The following INPP5D variants were observed in gnomAD, a reference collection of about 807,000 sequenced individuals.
INPP5D encodes phosphatidylinositol 3,4,5-trisphosphate 5-phosphatase 1.
A neutral mutation model predicts 122.9 loss-of-function variants in INPP5D; 33 were observed. That is an observed-to-expected ratio of 0.27 (90% CI 0.20 to 0.36). The LOEUF (loss-of-function observed/expected upper bound fraction) is 0.36. INPP5D is among the 10% of genes least tolerant of loss of function. INPP5D has a pLI of 1.00. For missense variants in INPP5D, 1,053 were observed against 1,412.7 expected, an observed-to-expected ratio of 0.75 and a Z score of 4.08; for synonymous variants, 584 against 576.2, an observed-to-expected ratio of 1.01 and a Z score of -0.19.
rs1372985247 is a variant in INPP5D at position 233,096,453 on chromosome 2, A to G, written c.198+17055A>G. 4.6e-5 allele frequency among the ~76,000 whole-genome samples: 7 copies of G among 152,146 alleles called. 1 individual carries two copies. The highest frequency in any genetic ancestry group is 1.2e-4 in the African/African-American group (5 of 41,430). ...GATCACCAGAGGTCAGAAGTTCGAGACCAGCCTGGCCAACATGGTGAAATG... is the reference window on the plus strand; with the variant it reads ...GATCACCAGAGGTCAGAAGTTCGAGGCCAGCCTGGCCAACATGGTGAAATG... On this transcript the variant is annotated intron_variant, in intron 2 of 26. Coordinates refer to ENST00000445964, the MANE Select transcript of INPP5D (RefSeq NM_001017915.3).
intron 1 of INPP5D, among the ~76,000 whole-genome samples, chr2:233,064,576 T>C (rs1691160150): frequency 6.6e-6 from 1 of 152,244 alleles, no homozygotes; most frequent in African/African-American, 2.4e-5. Context: ...GGAGGTCTTA[T>C]TATCTCCACT....
intron 3 of INPP5D, among the ~76,000 whole-genome samples, chr2:233,125,119 C>T (rs971447249): frequency 1.3e-4 from 20 of 152,254 alleles, no homozygotes; most frequent in Non-Finnish European, 1.9e-4. Flanking sequence ...CTCCTAAAGG[C>T]GATGGGTGGG....
At chr2:233,087,546 C>T (rs959243162) in intron 2 of INPP5D, among the ~76,000 whole-genome samples, 3 of 152,028 alleles carry the variant, frequency 2.0e-5, no homozygotes, top group Non-Finnish European at 4.4e-5. Context: ...AGGATGGTCT[C>T]GACCTCTTGA....
intron 18 of INPP5D, among the ~76,000 whole-genome samples, chr2:233,180,362 T>TAA (rs74510971): frequency 1.4e-5 from 2 of 144,678 alleles, no homozygotes; most frequent in Non-Finnish European, 3.1e-5. Flanking sequence ...TGAGAATGCT[T>TAA]AAAAAAAAAA....
chr2:233,132,803 G>A (rs1693364121), intron 5 of INPP5D, among the ~76,000 whole-genome samples: 2 of 152,018 alleles, frequency 1.3e-5, no homozygotes, highest in South Asian at 4.1e-4. Context: ...CAATGCACAA[G>A]CCTCTTGCTC....
chr2:233,093,877 G>A (rs747450503), intron 2 of INPP5D, among the ~76,000 whole-genome samples: 4 of 152,086 alleles, frequency 2.6e-5, no homozygotes, highest in Non-Finnish European at 5.9e-5. Flanking sequence ...GTGGCTTCAG[G>A]CCACACTCCC....
Position 233,162,545 on chromosome 2 carries a change from A to G in INPP5D, c.1240+719A>G, listed in dbSNP as rs867989561. On this transcript the variant is annotated intron_variant, in intron 11 of 26. Coordinates refer to ENST00000445964, the MANE Select transcript of INPP5D (RefSeq NM_001017915.3). ...TTACTAAACACATGCACTCTACTAA[A>G]TATAAATAATACTAAATAATTTTTT... Among the ~76,000 whole-genome samples the G allele has an allele frequency of 1.2e-4, 18 of 152,098 alleles. No homozygotes were observed. The South Asian group carries it at 3.7e-3, about 32-fold the overall frequency.
chr2:233,069,420 A>G (rs7576582), intron 1 of INPP5D, among the ~76,000 whole-genome samples: 4,560 of 152,322 alleles, frequency 0.03, 227 homozygotes, highest in African/African-American at 0.1. Flanking sequence ...TAACCACCCC[A>G]TCACTGAGAC....
chr2:233,185,990 A>T, intron 21 of INPP5D, 65 bp downstream of exon 21: 1 of 1,489,698 alleles, frequency 6.7e-7, no homozygotes, highest in Non-Finnish European at 9.0e-7. Context: ...AGTACCAGCC[A>T]GTGGCAGAGC....
intron 6 of INPP5D, among the ~76,000 whole-genome samples, chr2:233,144,414 T>C (rs1480133823): frequency 1.4e-5 from 2 of 146,390 alleles, no homozygotes; most frequent in Admixed American, 1.3e-4. Flanking sequence ...GTGGAGATGG[T>C]GGTAGTGATG....
At chr2:233,199,438 A>G (rs569593779) in intron 25 of INPP5D, among the ~76,000 whole-genome samples, 57 of 151,542 alleles carry the variant, frequency 3.8e-4, no homozygotes, top group African/African-American at 1.3e-3. Flanking sequence ...CAAGAGGCTG[A>G]GGCAGGAGAA....
chr2:233,098,419 G>T (rs1197062884), intron 2 of INPP5D, among the ~76,000 whole-genome samples: 4 of 152,184 alleles, frequency 2.6e-5, no homozygotes, highest in Non-Finnish European at 5.9e-5. Flanking sequence ...GAGACGTGGT[G>T]CTGGAGGCGT....
chr2:233,197,062 A>C lies in INPP5D; in HGVS notation c.2694-1033A>C, dbSNP rs141931746. Among the ~76,000 whole-genome samples, 1 of 151,946 alleles carries C rather than the reference A, an allele frequency of 6.6e-6. No homozygotes were observed. Among genetic ancestry groups the C allele is most frequent in the East Asian group, 1.9e-4 (1 of 5,154 alleles). On this transcript the variant is annotated intron_variant, in intron 24 of 26. Transcript: ENST00000445964. The surrounding 1 kb of genome is among the most constrained non-coding windows in gnomAD (Gnocchi z 4.4). Reference sequence around the variant, plus strand: ...AAACAAATTCTTTTCCATTTTGACTAGCATGAGAACGAGCATTTATTTCTG... The same window carrying C: ...AAACAAATTCTTTTCCATTTTGACTCGCATGAGAACGAGCATTTATTTCTG...
intron 2 of INPP5D, among the ~76,000 whole-genome samples, chr2:233,086,178 T>TTTCTTTCC (rs1553569221): frequency 4.1e-5 from 6 of 145,746 alleles, no homozygotes; most frequent in East Asian, 2.1e-4. Flanking sequence ...TCTTTCTTTC[T>TTTCTTTCC]TTCTTTCTTT....
intron 3 of INPP5D, among the ~76,000 whole-genome samples, chr2:233,125,040 C>T (rs939655777): frequency 6.6e-6 from 1 of 152,230 alleles, no homozygotes; most frequent in Non-Finnish European, 1.5e-5. Context: ...CAGAGGCAGC[C>T]GCTCTGTGTG....
rs562219833 is a variant in INPP5D at position 233,157,961 on chromosome 2, G to A, written c.1031-352G>A. ...GATATAAATTAAAAACAAAGCAAAAGAAGGAAAGGAGGAAGAGTAAGGAAG... is the reference window on the plus strand; with the variant it reads ...GATATAAATTAAAAACAAAGCAAAAAAAGGAAAGGAGGAAGAGTAAGGAAG... On this transcript the variant is annotated intron_variant, in intron 9 of 26. Transcript: ENST00000445964. Among the ~76,000 whole-genome samples the A allele has an allele frequency of 7.0e-4, 107 of 151,908 alleles. 1 individual carries two copies. The highest frequency in any genetic ancestry group is 1.4e-3 in the Non-Finnish European group (94 of 67,982).
chr2:233,068,247 T>C (rs1025883128), intron 1 of INPP5D, among the ~76,000 whole-genome samples: 2 of 148,090 alleles, frequency 1.4e-5, no homozygotes, highest in Non-Finnish European at 3.0e-5. Flanking sequence ...ATGGCACCCT[T>C]GCACTCCAGC....
Position 233,195,508 on chromosome 2 carries a change from TG to T in INPP5D, c.2693+17del. ...AAGTCACTAGCAGGTAAAGTGGGCGTGGGGTGGGTGTTGGGGGGGGTGGATA... is the reference window on the plus strand; with the variant it reads ...AAGTCACTAGCAGGTAAAGTGGGCGTGGGTGGGTGTTGGGGGGGGTGGATA... On this transcript the variant is annotated intron_variant, in intron 24 of 26. Transcript: ENST00000445964. 1 of 1,587,214 alleles carries T rather than the reference TG, an allele frequency of 6.3e-7. No homozygotes were observed. Among genetic ancestry groups the T allele is most frequent in the Non-Finnish European group, 8.6e-7 (1 of 1,163,708 alleles).
rs749366486 is a variant in INPP5D at position 233,130,588 on chromosome 2, G to C, written c.605G>C (p.Gly202Ala). The change falls in exon 5 of 27, where the codon GGG becomes GCG. Residue 202 changes from glycine to alanine, a missense_variant. Physicochemically the swap from Gly to Ala is moderately conservative, Grantham distance 60. Coordinates refer to ENST00000445964, the MANE Select transcript of INPP5D (RefSeq NM_001017915.3). ...LAQDSEFVKT[G>A]SSSLPHLKKL... ...CAGGACTCTGAATTTGTGAAGACAG[G>C]GTCCAGCAGTCTTCCTCACCTGAAG... The C allele has an allele frequency of 1.2e-6, 2 of 1,613,928 alleles. No homozygotes were observed. The highest frequency in any genetic ancestry group is 8.5e-7 in the Non-Finnish European group (1 of 1,179,842).
Sources: allele counts gnomAD v4.1 joint callset (sites outside exome capture counted in the v4.1 genomes callset), GRCh38; gene constraint gnomAD v4.1.1; non-coding constraint Gnocchi (gnomAD v3.1); transcripts MANE v1.5; gene names NCBI Gene and HGNC (gene_info 2026-07-23, HGNC 2026-07-21).